Variants in RREB1 observed in about 807,000 individuals in gnomAD.
RREB1 encodes the protein ras responsive element binding protein 1, also known as ras-responsive element-binding protein 1.
Under a neutral mutation model 117.8 loss-of-function variants are expected in RREB1, and 27 were observed. The observed-to-expected ratio is 0.23, with a 90% CI of 0.17 to 0.32. The LOEUF (loss-of-function observed/expected upper bound fraction) is 0.32. Ranked by LOEUF, RREB1 falls within the 10% of genes least tolerant of loss-of-function variation. The pLI, the probability that RREB1 is intolerant of heterozygous loss-of-function variation, is 1.00. For missense variants in RREB1, 2,577 were observed against 2,378.2 expected, an observed-to-expected ratio of 1.08 and a Z score of -1.74; for synonymous variants, 1,298 against 1,026.7, an observed-to-expected ratio of 1.26 and a Z score of -5.05.
Position 7,211,718 on chromosome 6 carries a change from A to G in RREB1, c.707+9A>G. On this transcript the variant is annotated intron_variant, in intron 8 of 12. Transcript: ENST00000379938. ...TCAGATAACCCACTAAGGTAGGAGA[A>G]AGAGTGAACTAGACCTTGTTCATTC... is the stretch of plus-strand genomic sequence containing the variant. 1 of 1,613,960 alleles carries G rather than the reference A, an allele frequency of 6.2e-7. No individual in the cohort carries two copies. Among genetic ancestry groups the G allele is most frequent in the Non-Finnish European group, 8.5e-7 (1 of 1,179,798 alleles).
chr6:7,237,400 T>G (rs1768404921), intron 10 of RREB1, among the ~76,000 whole-genome samples: 1 of 151,128 alleles, frequency 6.6e-6, no homozygotes, highest in South Asian at 2.1e-4. Context: ...TTTTTTATTA[T>G]TATTTGTTAT....
intron 1 of RREB1, among the ~76,000 whole-genome samples, chr6:7,136,748 A>G (rs1279263341): frequency 6.6e-6 from 1 of 152,246 alleles, no homozygotes; most frequent in Non-Finnish European, 1.5e-5. Flanking sequence ...AATAAAGCAT[A>G]AATATCTTTA....
chr6:7,143,473 G>A (rs1312840106), intron 1 of RREB1, among the ~76,000 whole-genome samples: 3 of 152,146 alleles, frequency 2.0e-5, no homozygotes, highest in Admixed American at 6.5e-5. Flanking sequence ...GTTTCTAGTT[G>A]GGCTTTCCCC....
intron 1 of RREB1, among the ~76,000 whole-genome samples, chr6:7,172,977 C>T (rs772451791): frequency 1.4e-4 from 21 of 152,206 alleles, no homozygotes; most frequent in Non-Finnish European, 2.2e-4. Context: ...CAAGCTCCCT[C>T]CTGGCTCAGA....
chr6:7,153,571 C>G (rs980795225), intron 1 of RREB1, among the ~76,000 whole-genome samples: 3 of 151,848 alleles, frequency 2.0e-5, no homozygotes, highest in Admixed American at 2.0e-4. Context: ...AGAAACAGAC[C>G]GAAAATAGGA....
chr6:7,167,305 A>C (rs553066553), intron 1 of RREB1, among the ~76,000 whole-genome samples: 1 of 151,816 alleles, frequency 6.6e-6, no homozygotes, highest in African/African-American at 2.4e-5. Context: ...GGAAAAGCCA[A>C]ATTATATTTA....
chr6:7,157,525 C>CTTTT (rs994766903), intron 1 of RREB1, among the ~76,000 whole-genome samples: 4 of 151,768 alleles, frequency 2.6e-5, no homozygotes, highest in Admixed American at 1.3e-4. Context: ...AATCCCAGCA[C>CTTTT]TTTGAGAGGC....
intron 10 of RREB1, among the ~76,000 whole-genome samples, chr6:7,237,005 A>G (rs965745130): frequency 6.9e-6 from 1 of 145,074 alleles, no homozygotes. Flanking sequence ...TGCAGCCTTG[A>G]ACTCCTGGCT....
chr6:7,228,091 T>C (rs970811219), intron 9 of RREB1, among the ~76,000 whole-genome samples: 16 of 152,156 alleles, frequency 1.1e-4, no homozygotes, highest in African/African-American at 3.9e-4. Context: ...CTTGAAATTA[T>C]TTTTTTCCCC....
chr6:7,247,823 C>G (rs1769181712), intron 12 of RREB1, among the ~76,000 whole-genome samples: 1 of 152,224 alleles, frequency 6.6e-6, no homozygotes, highest in South Asian at 2.1e-4. Flanking sequence ...ACACAAAGAC[C>G]TGAATATGCT....
Position 7,231,519 on chromosome 6 carries a change from T to C in RREB1, c.3420T>C (p.Ser1140=), listed in dbSNP as rs1382600900. Reference sequence around the variant, plus strand: ...CAGCCAGCAGCCCAGAGGCTGCCTCTCCCACCGAGCAGGGCCCAGCGGGCA... The same window carrying C: ...CAGCCAGCAGCCCAGAGGCTGCCTCCCCCACCGAGCAGGGCCCAGCGGGCA... The part of the protein sequence containing the change: ...PAPASSPEAA[S]PTEQGPAGTS... The change falls in exon 10 of 13, where the codon TCT becomes TCC. Residue 1140 remains serine (S), a synonymous_variant. Transcript: ENST00000379938. 2 of 1,608,326 alleles carry C rather than the reference T, an allele frequency of 1.2e-6. No homozygotes were observed. The highest frequency in any genetic ancestry group is 1.7e-6 in the Non-Finnish European group (2 of 1,177,488).
At chr6:7,209,591 T>G (rs1265801502) in intron 6 of RREB1, among the ~76,000 whole-genome samples, 12 of 142,812 alleles carry the variant, frequency 8.4e-5, no homozygotes, top group Admixed American at 7.5e-4. Flanking sequence ...TTTTTTTTTT[T>G]GAGACCGGTT....
At chr6:7,188,593 A>G (rs942540186) in intron 5 of RREB1, among the ~76,000 whole-genome samples, 3 of 152,158 alleles carry the variant, frequency 2.0e-5, no homozygotes, top group African/African-American at 4.8e-5. Flanking sequence ...TGATGAGTGT[A>G]GAACAGTGAA....
intron 10 of RREB1, among the ~76,000 whole-genome samples, chr6:7,237,837 G>A (rs1319715536): frequency 6.6e-6 from 1 of 152,190 alleles, no homozygotes; most frequent in Non-Finnish European, 1.5e-5. Context: ...AATGACTCAT[G>A]TGAGTTGTTA....
intron 10 of RREB1, among the ~76,000 whole-genome samples, chr6:7,232,222 G>A (rs1394662246): frequency 6.6e-6 from 1 of 152,224 alleles, no homozygotes; most frequent in African/African-American, 2.4e-5. Context: ...CCTTCCGGAG[G>A]TGGTAGCCAG....
intron 8 of RREB1, chr6:7,215,703 A>G (rs1322048885): frequency 6.6e-6 from 1 of 152,268 alleles, no homozygotes; most frequent in Non-Finnish European, 1.5e-5. Flanking sequence ...CATCGAGTAT[A>G]CCAGTATCAT....
chr6:7,202,410 A>G (rs1337603037), intron 6 of RREB1, among the ~76,000 whole-genome samples: 1 of 152,160 alleles, frequency 6.6e-6, no homozygotes, highest in African/African-American at 2.4e-5. Flanking sequence ...TGAAGTGGGA[A>G]ATGGCCCGTG....
At chr6:7,171,766 A>G (rs1438863004) in intron 1 of RREB1, among the ~76,000 whole-genome samples, 2 of 152,106 alleles carry the variant, frequency 1.3e-5, no homozygotes. Flanking sequence ...GGTCAGTGGG[A>G]GTCATGTGGA....
At chr6:7,144,322 TG>T (rs1762764070) in intron 1 of RREB1, among the ~76,000 whole-genome samples, 1 of 152,250 alleles carries the variant, frequency 6.6e-6, no homozygotes, top group Non-Finnish European at 1.5e-5. Context: ...ACCTGTACAC[TG>T]TACATATACA....
Sources: allele counts gnomAD v4.1 joint callset (sites outside exome capture counted in the v4.1 genomes callset), GRCh38; gene constraint gnomAD v4.1.1; transcripts MANE v1.5; gene names NCBI Gene and HGNC (gene_info 2026-07-23, HGNC 2026-07-21).